Variants in ANKS1B observed in about 807,000 individuals in gnomAD.
ANKS1B encodes the protein ankyrin repeat and sterile alpha motif domain containing 1B.
In ANKS1B, 36 loss-of-function variants were observed where a neutral mutation model predicts 148.3. The observed-to-expected ratio is 0.24, with a 90% CI of 0.19 to 0.32. The LOEUF (loss-of-function observed/expected upper bound fraction) is 0.32, where lower values mean the gene tolerates loss of function less well. ANKS1B is among the 10% of genes least tolerant of loss of function. The pLI, the probability that ANKS1B is intolerant of heterozygous loss-of-function variation, is 1.00. For synonymous variants in ANKS1B, 542 were observed against 560.8 expected (o/e 0.97, Z 0.47); for missense variants, 1,157 against 1,542.6 (o/e 0.75, Z 4.19).
chr12:99,560,617 A>G (rs2097323620), intron 9 of ANKS1B, among the ~76,000 whole-genome samples: 1 of 152,138 alleles, frequency 6.6e-6, no homozygotes, highest in Admixed American at 6.5e-5. Flanking sequence ...CTTACACTAT[A>G]CTATATTCTA....
At chr12:99,447,032 AG>A (rs2095647906) in intron 10 of ANKS1B, among the ~76,000 whole-genome samples, 1 of 152,084 alleles carries the variant, frequency 6.6e-6, no homozygotes, top group African/African-American at 2.4e-5. Flanking sequence ...TTGAACAAAA[AG>A]AAAAAACTGA....
At chr12:98,831,899 AC>A in intron 18 of ANKS1B, 129 bp downstream of exon 18, 1 of 804,708 alleles carries the variant, frequency 1.2e-6, no homozygotes. Flanking sequence ...ACAGACAGGC[AC>A]AACCACACCT....
chr12:99,275,091 A>C (rs889333246), intron 12 of ANKS1B, among the ~76,000 whole-genome samples: 3 of 152,200 alleles, frequency 2.0e-5, no homozygotes, highest in African/African-American at 7.2e-5. Flanking sequence ...TGTATGTATT[A>C]ATGGAGTAAA....
chr12:99,539,063 C>G (rs1277659601), intron 9 of ANKS1B, among the ~76,000 whole-genome samples: 1 of 152,080 alleles, frequency 6.6e-6, no homozygotes, highest in East Asian at 1.9e-4. Flanking sequence ...GTTGAATCAT[C>G]CTTGCATCCC....
At chr12:99,448,643 G>C (rs574928740) in intron 10 of ANKS1B, among the ~76,000 whole-genome samples, 1 of 152,164 alleles carries the variant, frequency 6.6e-6, no homozygotes, top group Admixed American at 6.6e-5. Flanking sequence ...ATTCCACAAT[G>C]TATACATGTT....
chr12:98,902,949 T>C (rs1417120291), intron 17 of ANKS1B, among the ~76,000 whole-genome samples: 1 of 152,166 alleles, frequency 6.6e-6, no homozygotes, highest in Non-Finnish European at 1.5e-5. Context: ...CCCATGAACT[T>C]GGGAGGGGAC....
At chr12:99,157,021 C>T (rs2076134308) in intron 14 of ANKS1B, among the ~76,000 whole-genome samples, 2 of 152,150 alleles carry the variant, frequency 1.3e-5, no homozygotes, top group South Asian at 4.1e-4. Context: ...TCTTTTAGCT[C>T]ATCATCCTCA....
At chr12:99,119,490 C>T (rs1212901203) in intron 15 of ANKS1B, among the ~76,000 whole-genome samples, 7 of 152,138 alleles carry the variant, frequency 4.6e-5, no homozygotes, top group Non-Finnish European at 1.0e-4. Context: ...ATTAAGCATC[C>T]AACCATTGAA....
chr12:99,142,657 T>C (rs568424201), intron 15 of ANKS1B, among the ~76,000 whole-genome samples: 3 of 152,216 alleles, frequency 2.0e-5, no homozygotes, highest in Non-Finnish European at 4.4e-5. Flanking sequence ...TAAAGTACAA[T>C]AAGAATTTGA....
At chr12:99,735,558 T>A (rs1276679785) in intron 8 of ANKS1B, among the ~76,000 whole-genome samples, 1 of 151,600 alleles carries the variant, frequency 6.6e-6, no homozygotes, top group Non-Finnish European at 1.5e-5. Flanking sequence ...CAAGAATAAA[T>A]CAGGAAGATA....
chr12:99,984,078 AC>A, intron 1 of ANKS1B, 25 bp downstream of exon 1: 1 of 1,598,480 alleles, frequency 6.3e-7, no homozygotes, highest in Non-Finnish European at 8.5e-7. Context: ...AGGTGTGCCA[AC>A]CCCGGAGCTG....
At chr12:99,733,606 A>G (rs947647571) in intron 8 of ANKS1B, among the ~76,000 whole-genome samples, 41 of 152,348 alleles carry the variant, frequency 2.7e-4, no homozygotes, top group Admixed American at 9.1e-4. Flanking sequence ...TCTAAAATAC[A>G]TGATGAAACT....
At chr12:98,986,508 G>T (rs762528929) in intron 17 of ANKS1B, among the ~76,000 whole-genome samples, 2 of 151,862 alleles carry the variant, frequency 1.3e-5, no homozygotes, top group Non-Finnish European at 2.9e-5. Context: ...CTTCATCTCT[G>T]ATATATTCTT....
chr12:99,120,424 A>G (rs2062484844), intron 15 of ANKS1B, among the ~76,000 whole-genome samples: 1 of 152,210 alleles, frequency 6.6e-6, no homozygotes, highest in Non-Finnish European at 1.5e-5. Flanking sequence ...ATTCATTTGC[A>G]CACTTGAATC....
chr12:99,515,175 C>T (rs962009018), intron 9 of ANKS1B, among the ~76,000 whole-genome samples: 14 of 128,794 alleles, frequency 1.1e-4, no homozygotes, highest in African/African-American at 7.1e-4. Flanking sequence ...TTACGTAAGT[C>T]CAATTATACC....
chr12:98,970,398 A>C (rs2099882185), intron 17 of ANKS1B, among the ~76,000 whole-genome samples: 1 of 152,176 alleles, frequency 6.6e-6, no homozygotes, highest in African/African-American at 2.4e-5. Context: ...AGACTTGCCA[A>C]TATTAGGCTG....
At chr12:99,526,468 T>C (rs1449593587) in intron 9 of ANKS1B, among the ~76,000 whole-genome samples, 2 of 152,208 alleles carry the variant, frequency 1.3e-5, no homozygotes, top group Non-Finnish European at 2.9e-5. Flanking sequence ...ATGCTGTATG[T>C]TTCTATTAAA....
intron 16 of ANKS1B, among the ~76,000 whole-genome samples, chr12:99,078,071 A>T (rs1252441277): frequency 6.6e-6 from 1 of 152,140 alleles, no homozygotes; most frequent in African/African-American, 2.4e-5. Flanking sequence ...CACAGTTTCC[A>T]CCACTCCATA....
At chr12:99,411,960 G>A (rs185525833) in intron 11 of ANKS1B, among the ~76,000 whole-genome samples, 6 of 152,260 alleles carry the variant, frequency 3.9e-5, no homozygotes, top group African/African-American at 1.2e-4. Context: ...GTGGTCAGGC[G>A]CTGTTGTAGC....
Sources: gnomAD v4.1 joint callset for allele counts (sites outside exome capture counted in the v4.1 genomes callset) on GRCh38, gnomAD v4.1.1 for gene constraint, MANE v1.5 for transcripts, NCBI Gene and HGNC (gene_info 2026-07-23, HGNC 2026-07-21) for gene names.